The following SAMMSON variants were observed in gnomAD, a reference collection of about 807,000 sequenced individuals.
SAMMSON encodes survival associated mitochondrial melanoma specific oncogenic non-coding RNA.
intron 6 of SAMMSON, among the ~76,000 whole-genome samples, chr3:70,290,060 C>T (rs558817748): frequency 1.4e-3 from 217 of 152,286 alleles, no homozygotes; most frequent in African/African-American, 5.1e-3. Flanking sequence ...TCTCTCAGCT[C>T]GTCAAAGTCA....
chr3:70,305,144 ATTAC>A (rs1702387425), intron 7 of SAMMSON, among the ~76,000 whole-genome samples: 1 of 152,172 alleles, frequency 6.6e-6, no homozygotes, highest in Non-Finnish European at 1.5e-5. Context: ...CTTCGAAACA[ATTAC>A]CCTTGTGAAA....
chr3:70,229,562 C>A (rs1241027225), intron 4 of SAMMSON, among the ~76,000 whole-genome samples: 2 of 152,130 alleles, frequency 1.3e-5, no homozygotes, highest in East Asian at 3.9e-4. Context: ...GGGACATGGG[C>A]AGAAATGATG....
chr3:70,406,869 A>G (rs1171346875), intron 2 of SAMMSON, among the ~76,000 whole-genome samples: 1 of 152,200 alleles, frequency 6.6e-6, no homozygotes, highest in Admixed American at 6.5e-5. Context: ...ACACTGAAAC[A>G]TTAAACGTAA....
At chr3:70,049,919 C>T (rs974550530) in intron 3 of SAMMSON, among the ~76,000 whole-genome samples, 5 of 151,976 alleles carry the variant, frequency 3.3e-5, no homozygotes, top group Admixed American at 6.6e-5. Flanking sequence ...ATAATGTAAC[C>T]CTTTAAGATA....
intron 4 of SAMMSON, among the ~76,000 whole-genome samples, chr3:70,128,244 C>G (rs566620133): frequency 3.3e-5 from 5 of 152,274 alleles, no homozygotes; most frequent in African/African-American, 1.2e-4. Flanking sequence ...CCTCAATTCC[C>G]CTTATTCCTC....
At chr3:70,210,607 AG>A in intron 4 of SAMMSON, among the ~76,000 whole-genome samples, 1 of 152,284 alleles carries the variant, frequency 6.6e-6, no homozygotes, top group Non-Finnish European at 1.5e-5. Context: ...AAACATAAAA[AG>A]TAGTGTCATA....
Position 70,200,911 on chromosome 3 carries a change from T to C in SAMMSON, n.508-48196T>C, listed in dbSNP as rs566300015. On this transcript the variant is annotated intron_variant and non_coding_transcript_variant, in intron 4 of 9. Transcript: ENST00000642114. ...GCCTGTGGTCTCTATCCCACTGTTA[T>C]ATGTGTCAACTATTTTGCCAAAAGC... Among the ~76,000 whole-genome samples the C allele has an allele frequency of 4.5e-4, 68 of 152,038 alleles. 2 individuals carry two copies. Among genetic ancestry groups the C allele is most frequent in the South Asian group, 6.3e-4 (3 of 4,800 alleles).
chr3:70,028,159 C>T (rs201170461), intron 3 of SAMMSON, among the ~76,000 whole-genome samples: 9 of 128,538 alleles, frequency 7.0e-5, no homozygotes, highest in Non-Finnish European at 6.7e-5. Flanking sequence ...TCCTTCCTTC[C>T]TTCCTTCCTT....
chr3:70,034,705 A>G (rs1435797182), intron 3 of SAMMSON, among the ~76,000 whole-genome samples: 1 of 152,048 alleles, frequency 6.6e-6, no homozygotes, highest in Non-Finnish European at 1.5e-5. Flanking sequence ...TTAGCTGGGC[A>G]TGGTAGCGGG....
chr3:70,047,551 G>T (rs2067131454), intron 3 of SAMMSON, among the ~76,000 whole-genome samples: 1 of 151,986 alleles, frequency 6.6e-6, no homozygotes, highest in Admixed American at 6.6e-5. Context: ...TGTCTGGCTG[G>T]TCTCGAACTC....
intron 4 of SAMMSON, among the ~76,000 whole-genome samples, chr3:70,202,731 G>A (rs1701253266): frequency 6.6e-6 from 1 of 152,078 alleles, no homozygotes; most frequent in Non-Finnish European, 1.5e-5. Flanking sequence ...ACACCCCAGG[G>A]TACCTTTAGG....
chr3:70,047,753 G>A (rs969284443), intron 3 of SAMMSON, among the ~76,000 whole-genome samples: 15 of 152,096 alleles, frequency 9.9e-5, no homozygotes, highest in African/African-American at 3.4e-4. Context: ...CAAGATCAAG[G>A]TGCCTGCTTC....
intron 4 of SAMMSON, among the ~76,000 whole-genome samples, chr3:70,101,640 C>T (rs969922306): frequency 2.0e-5 from 3 of 152,110 alleles, no homozygotes; most frequent in East Asian, 1.9e-4. Flanking sequence ...ATTTACACTA[C>T]ATGCTAATGT....
intron 9 of SAMMSON, among the ~76,000 whole-genome samples, chr3:70,376,031 C>T (rs895977011): frequency 1.3e-5 from 2 of 152,084 alleles, no homozygotes; most frequent in Non-Finnish European, 2.9e-5. Context: ...AAAATGCTAA[C>T]ATAGGGAGAC....
chr3:70,194,464 T>G (rs1391059651), intron 4 of SAMMSON, among the ~76,000 whole-genome samples: 1 of 152,348 alleles, frequency 6.6e-6, no homozygotes, highest in South Asian at 2.1e-4. Flanking sequence ...AGAATTCAAT[T>G]GAAAAAGCCA....
intron 7 of SAMMSON, among the ~76,000 whole-genome samples, chr3:70,341,922 G>A (rs1702714231): frequency 1.3e-5 from 2 of 152,162 alleles, no homozygotes; most frequent in South Asian, 4.1e-4. Context: ...TGTAAAGCCT[G>A]TTGATAGATA....
chr3:70,233,692 C>T (rs1386725211), intron 4 of SAMMSON, among the ~76,000 whole-genome samples: 1 of 152,170 alleles, frequency 6.6e-6, no homozygotes, highest in African/African-American at 2.4e-5. Context: ...ACCCATTCTT[C>T]TTACTACAGA....
intron 7 of SAMMSON, chr3:70,302,498 G>C (rs1479814547): frequency 6.6e-6 from 1 of 152,036 alleles, no homozygotes; most frequent in Non-Finnish European, 1.5e-5. Flanking sequence ...TTGATTAAGT[G>C]TATCACATCA....
At position 70,119,410 on chromosome 3, in the gene SAMMSON, A is replaced by G. The variant is rs11923669; in HGVS notation, n.507+47845A>G. ...CAGTATATTTACTTAGAAAACGGTA[A>G]TTGAATTCCATGTAATACAGTAATT... is the stretch of plus-strand genomic sequence containing the variant. On this transcript the variant is annotated intron_variant and non_coding_transcript_variant, in intron 4 of 9. Coordinates refer to ENST00000642114, the Ensembl canonical transcript of SAMMSON. Among the ~76,000 whole-genome samples, 1,458 of 152,336 alleles carry G rather than the reference A, an allele frequency of 9.6e-3. 16 individuals are homozygous for G. Among genetic ancestry groups the G allele is most frequent in the African/African-American group, 0.033 (1,368 of 41,574 alleles).
Sources: allele counts gnomAD v4.1 joint callset (sites outside exome capture counted in the v4.1 genomes callset), GRCh38; gene constraint gnomAD v4.1.1; transcripts MANE v1.5; gene names NCBI Gene and HGNC (gene_info 2026-07-23, HGNC 2026-07-21).